Variants in BAZ1B observed in about 807,000 individuals in gnomAD.
BAZ1B encodes the protein tyrosine-protein kinase BAZ1B.
In BAZ1B, 22 loss-of-function variants were observed where a neutral mutation model predicts 153.8. That is an observed-to-expected ratio of 0.14 (90% CI 0.10 to 0.20). BAZ1B has a LOEUF of 0.20. Among genes scored for constraint, BAZ1B ranks in the 10% least tolerant of loss-of-function variants. The probability of loss-of-function intolerance (pLI) is 1.00; values close to 1 mark genes in which losing one functional copy is unlikely to be tolerated. For missense variants in BAZ1B, 1,325 were observed against 1,799.3 expected (o/e 0.74, Z 4.77); for synonymous variants, 676 against 633.4 (o/e 1.07, Z -1.01).
Position 73,444,044 on chromosome 7 carries a change from G to A in BAZ1B, c.3930C>T (p.His1310=). ...RSGRRPGKKP[H]STRRSQPKAP... ...CCTTGGGCTGAGACCTCCTGGTAGA[G>A]TGTGGCTTCTTACCCGGGCGCCGGC... The change falls in exon 17 of 20, where the codon CAC becomes CAT. Residue 1310 remains histidine, a synonymous_variant. Coordinates refer to ENST00000339594, the MANE Select transcript of BAZ1B (RefSeq NM_032408.4). 5 of 1,613,908 alleles carry A rather than the reference G, an allele frequency of 3.1e-6. No homozygotes were observed. The highest frequency in any genetic ancestry group is 4.2e-6 in the Non-Finnish European group (5 of 1,179,900).
intron 3 of BAZ1B, among the ~76,000 whole-genome samples, chr7:73,506,239 C>A (rs1554577725): frequency 6.6e-6 from 1 of 152,120 alleles, no homozygotes; most frequent in Non-Finnish European, 1.5e-5. Flanking sequence ...TGGCTCATGC[C>A]TGTAATCCCA....
chr7:73,506,670 GGA>G (rs1482974928), intron 3 of BAZ1B, among the ~76,000 whole-genome samples: 3 of 149,730 alleles, frequency 2.0e-5, no homozygotes, highest in Non-Finnish European at 4.4e-5. Flanking sequence ...TGACCAACAT[GGA>G]GAGAACCCGT....
intron 1 of BAZ1B, among the ~76,000 whole-genome samples, chr7:73,517,321 C>T (rs1417310848): frequency 1.3e-5 from 2 of 151,948 alleles, no homozygotes; most frequent in African/African-American, 2.4e-5. Flanking sequence ...TGCAAGACCT[C>T]GTCTCGTCTC....
At chr7:73,509,813 CAAAAAAA>C in intron 2 of BAZ1B, among the ~76,000 whole-genome samples, 1 of 134,054 alleles carries the variant, frequency 7.5e-6, no homozygotes, top group African/African-American at 2.7e-5. Flanking sequence ...ATTAAACTAG[CAAAAAAA>C]AAAAAAAATT....
At chr7:73,519,769 A>C (rs1554579827) in intron 1 of BAZ1B, among the ~76,000 whole-genome samples, 3 of 151,910 alleles carry the variant, frequency 2.0e-5, no homozygotes, top group East Asian at 1.9e-4. Flanking sequence ...CATGTTTCTT[A>C]TACTCTGCTA....
chr7:73,491,553 T>A (rs1554575466), intron 5 of BAZ1B, among the ~76,000 whole-genome samples: 1 of 151,784 alleles, frequency 6.6e-6, no homozygotes, highest in Admixed American at 6.6e-5. Context: ...GAGCCGAGAT[T>A]GCGCCATTGC....
chr7:73,493,036 A>G, intron 4 of BAZ1B, 115 bp from the exon 5 acceptor site: 1 of 1,107,238 alleles, frequency 9.0e-7, no homozygotes, highest in Middle Eastern at 3.1e-4. Flanking sequence ...GTGATGCAGT[A>G]CAAAAATGAA....
In BAZ1B at chr7:73,486,158, T is replaced by C. The variant is rs186159774; in HGVS notation, c.891+3036A>G. Among the ~76,000 whole-genome samples, 363 of 152,224 alleles carry C rather than the reference T, an allele frequency of 2.4e-3. 1 individual carries two copies. Among genetic ancestry groups the C allele is most frequent in the Non-Finnish European group, 3.3e-3 (224 of 68,008 alleles). On this transcript the variant is annotated intron_variant, in intron 6 of 19. Transcript: ENST00000339594. ...GTTACAAGATATAAAATAAGCAAGGTAGTTCTTATTCTCAAGTAATTTATA... is the reference window on the plus strand; with the variant it reads ...GTTACAAGATATAAAATAAGCAAGGCAGTTCTTATTCTCAAGTAATTTATA...
At chr7:73,512,575 G>A (rs782476070) in intron 1 of BAZ1B, among the ~76,000 whole-genome samples, 1 of 152,164 alleles carries the variant, frequency 6.6e-6, no homozygotes, top group Non-Finnish European at 1.5e-5. Flanking sequence ...CATCAAGTTG[G>A]TAGTGTAAAT....
At position 73,501,124 on chromosome 7, in the gene BAZ1B, C is replaced by T. The variant is rs187585544; in HGVS notation, c.370-2426G>A. Among the ~76,000 whole-genome samples, 51 of 152,008 alleles carry T rather than the reference C, an allele frequency of 3.4e-4. No individual in the cohort carries two copies. In the South Asian group the frequency reaches 7.7e-3, roughly 23 times the overall value. On this transcript the variant is annotated intron_variant, in intron 3 of 19. Transcript: ENST00000339594. ...ATACAAAATTAGCTGGGTGTGGTGG[C>T]GCATGCCTGTAATCCCAGCTGCTCG...
At chr7:73,509,713 A>G (rs1420780432) in intron 2 of BAZ1B, among the ~76,000 whole-genome samples, 3 of 152,114 alleles carry the variant, frequency 2.0e-5, no homozygotes, top group Non-Finnish European at 4.4e-5. Flanking sequence ...CTTAAAAAAA[A>G]GGAAACCAGG....
intron 1 of BAZ1B, among the ~76,000 whole-genome samples, chr7:73,517,773 A>ATCCTAGAC (rs1209032280): frequency 1.4e-4 from 21 of 152,204 alleles, no homozygotes; most frequent in Admixed American, 1.3e-3. Context: ...ATATTTTCGA[A>ATCCTAGAC]TCCTAGACTA....
chr7:73,450,791 G>A lies in BAZ1B; in HGVS notation c.3580+56C>T. The A allele has an allele frequency of 6.3e-7, 1 of 1,582,164 alleles. No individual in the cohort carries two copies. Among genetic ancestry groups the A allele is most frequent in the Non-Finnish European group, 8.7e-7 (1 of 1,154,544 alleles). On this transcript the variant is annotated intron_variant, in intron 14 of 19. Transcript: ENST00000339594. The surrounding 1 kb of genome is among the most constrained non-coding windows in gnomAD (Gnocchi z 4.1). ...TTTTGGGTAGAAATGAAGATCTTGGGAATAGAAATCCTACTCCCTAATATA... is the reference window on the plus strand; with the variant it reads ...TTTTGGGTAGAAATGAAGATCTTGGAAATAGAAATCCTACTCCCTAATATA...
At chr7:73,441,759 A>G in intron 19 of BAZ1B, 66 bp from the exon 20 acceptor site, 1 of 184,764 alleles carries the variant, frequency 5.4e-6, no homozygotes, top group Non-Finnish European at 1.1e-5. Flanking sequence ...TAATAAATAC[A>G]GATTAAAAAA....
chr7:73,511,976 C>T lies in BAZ1B; in HGVS notation c.108-1124G>A, dbSNP rs188329604. 7.9e-3 allele frequency among the ~76,000 whole-genome samples: 1,081 copies of T among 136,250 alleles called. 12 individuals carry two copies. Among genetic ancestry groups the T allele is most frequent in the African/African-American group, 0.029 (1,029 of 35,540 alleles). The allele number at this position is 136,250 out of a possible 152,430, so 89.4% of individuals were successfully genotyped here. Reference sequence around the variant, plus strand: ...AACCTGGGAGGCCGTTGCAGTGAGCCGAGATGGCACCACTGCACTACAGCC... The same window carrying T: ...AACCTGGGAGGCCGTTGCAGTGAGCTGAGATGGCACCACTGCACTACAGCC... On this transcript the variant is annotated intron_variant, in intron 1 of 19. Transcript: ENST00000339594.
intron 7 of BAZ1B, among the ~76,000 whole-genome samples, chr7:73,470,723 C>T (rs1360567413): frequency 2.6e-5 from 4 of 152,054 alleles, no homozygotes; most frequent in African/African-American, 9.7e-5. Context: ...TCTTTTATCT[C>T]CAAAATATCA....
At chr7:73,474,399 A>G (rs782577632) in intron 7 of BAZ1B, among the ~76,000 whole-genome samples, 8 of 152,364 alleles carry the variant, frequency 5.3e-5, no homozygotes, top group East Asian at 1.9e-4. Flanking sequence ...CACCAAATCT[A>G]TAAGTAACAA....
chr7:73,443,815 G>A (rs1200222547), intron 17 of BAZ1B, among the ~76,000 whole-genome samples, 169 bp downstream of exon 17: 1 of 152,202 alleles, frequency 6.6e-6, no homozygotes, highest in Non-Finnish European at 1.5e-5. Context: ...AGGCCTTGCT[G>A]CTTCTGTCTG....
chr7:73,477,661 T>C lies in BAZ1B; in HGVS notation c.1800A>G (p.Glu600=). The C allele has an allele frequency of 6.2e-7, 1 of 1,614,214 alleles. No homozygotes were observed. Residue 600 remains glutamate (E), a synonymous_variant, in exon 7 of 20, where the codon GAA becomes GAG. Transcript: ENST00000339594. The surrounding 1 kb of genome is among the most constrained non-coding windows in gnomAD (Gnocchi z 5.6). ...LPAFRLVDTP[E]GLPNTLFGDV... is the part of the protein sequence containing the mutation. ...CCCCAAACAGCGTGTTGGGCAGCCCTTCAGGGGTATCCACCAATCTGAATG... is the reference window on the plus strand; with the variant it reads ...CCCCAAACAGCGTGTTGGGCAGCCCCTCAGGGGTATCCACCAATCTGAATG...
Sources: gnomAD v4.1 joint callset for allele counts (sites outside exome capture counted in the v4.1 genomes callset) on GRCh38, gnomAD v4.1.1 for gene constraint, Gnocchi (gnomAD v3.1) non-coding constraint, MANE v1.5 for transcripts, NCBI Gene and HGNC (gene_info 2026-07-23, HGNC 2026-07-21) for gene names.